The following MLIP variants were observed in gnomAD, a reference collection of about 807,000 sequenced individuals.
MLIP encodes the protein muscular LMNA interacting protein, also known as muscular LMNA-interacting protein.
MLIP carries 79 observed loss-of-function variants against 84.8 expected under a neutral mutation model. That is an observed-to-expected ratio of 0.93 (90% CI 0.78 to 1.12). The LOEUF (loss-of-function observed/expected upper bound fraction) is 1.12. Ranked by LOEUF, MLIP falls within the 50% of genes most tolerant of loss-of-function variation. MLIP has a pLI of 0.00. For missense variants in MLIP, 1,257 were observed against 1,160.6 expected, an observed-to-expected ratio of 1.08 and a Z score of -1.21; for synonymous variants, 504 against 463.0, an observed-to-expected ratio of 1.09 and a Z score of -1.14.
intron 1 of MLIP, among the ~76,000 whole-genome samples, chr6:54,035,007 T>A (rs1481692531): frequency 6.6e-6 from 1 of 152,206 alleles, no homozygotes; most frequent in Non-Finnish European, 1.5e-5. Context: ...CCTATAGTAT[T>A]CAGTACAGTT....
chr6:54,186,801 CG>C (rs1411715495), intron 9 of MLIP, among the ~76,000 whole-genome samples: 1 of 152,036 alleles, frequency 6.6e-6, no homozygotes, highest in Admixed American at 6.6e-5. Context: ...ATTCAAGATA[CG>C]ATTTGGGTGG....
At chr6:54,207,412 C>A (rs930749516) in intron 11 of MLIP, among the ~76,000 whole-genome samples, 4 of 140,472 alleles carry the variant, frequency 2.8e-5, no homozygotes, top group East Asian at 2.2e-4. Context: ...CCTCTGCACC[C>A]CCCCCCCCTT....
Position 54,179,673 on chromosome 6 carries a change from C to T in MLIP, c.2544+10101C>T, listed in dbSNP as rs145601817. ...GACACTAATTGCATAAACAAACATG[C>T]AAAACGAAAACTAATAAAAACCCTA... is the stretch of plus-strand genomic sequence containing the variant. On this transcript the variant is annotated intron_variant, in intron 9 of 13. Coordinates refer to ENST00000502396, the MANE Select transcript of MLIP (RefSeq NM_001281747.2). Among the ~76,000 whole-genome samples, 700 of 152,132 alleles carry T rather than the reference C, an allele frequency of 4.6e-3. 2 individuals carry two copies. The highest frequency in any genetic ancestry group is 0.031 in the Middle Eastern group (9 of 292).
intron 5 of MLIP, among the ~76,000 whole-genome samples, chr6:54,149,401 C>T (rs765255278): frequency 5.6e-4 from 85 of 151,998 alleles, no homozygotes; most frequent in African/African-American, 1.8e-3. Flanking sequence ...GATAGATCTC[C>T]GTTCTTTGGA....
chr6:54,021,228 A>G (rs947084040), intron 1 of MLIP, among the ~76,000 whole-genome samples: 1 of 152,210 alleles, frequency 6.6e-6, no homozygotes, highest in African/African-American at 2.4e-5. Context: ...TCTGAAATTT[A>G]TTCAATTTAT....
At chr6:54,265,928 A>G (rs895612130) in intron 13 of MLIP, 22 bp from the exon 14 acceptor site, 1 of 1,608,588 alleles carries the variant, frequency 6.2e-7, no homozygotes, top group African/African-American at 1.3e-5. Context: ...TAACCTGACT[A>G]CCATATTCTC....
chr6:54,258,260 G>C (rs1038829099), intron 13 of MLIP, among the ~76,000 whole-genome samples: 2 of 151,982 alleles, frequency 1.3e-5, no homozygotes, highest in Non-Finnish European at 2.9e-5. Context: ...AAAATTCCAC[G>C]TATAATTTGA....
chr6:54,143,281 A>C (rs965462235), intron 4 of MLIP, among the ~76,000 whole-genome samples: 12 of 149,568 alleles, frequency 8.0e-5, no homozygotes, highest in Admixed American at 6.0e-4. Context: ...GCAATGGCGC[A>C]ATCTCGGCTC....
intron 1 of MLIP, among the ~76,000 whole-genome samples, chr6:54,019,454 C>T (rs958104419): frequency 8.5e-5 from 13 of 152,064 alleles, no homozygotes; most frequent in Non-Finnish European, 5.9e-5. Flanking sequence ...CTCAGAGATA[C>T]CAGGAATATA....
intron 11 of MLIP, among the ~76,000 whole-genome samples, chr6:54,210,664 G>A (rs1253196870): frequency 7.3e-6 from 1 of 137,768 alleles, no homozygotes; most frequent in African/African-American, 2.6e-5. Flanking sequence ...GTTTCACCCA[G>A]ACTTCAAACT....
intron 5 of MLIP, among the ~76,000 whole-genome samples, chr6:54,155,792 T>A (rs927139823): frequency 3.9e-5 from 6 of 152,176 alleles, no homozygotes; most frequent in African/African-American, 1.4e-4. Context: ...TGCTATGAGA[T>A]TTATTTGGTA....
At chr6:54,264,472 T>C (rs567708714) in intron 13 of MLIP, among the ~76,000 whole-genome samples, 87 of 152,170 alleles carry the variant, frequency 5.7e-4, no homozygotes, top group African/African-American at 2.0e-3. Context: ...TTGGGTGTGA[T>C]ATTGACTCCT....
rs1301582340 is a variant in MLIP, at chr6:54,064,132, T to C, written c.63+45041T>C. Among the ~76,000 whole-genome samples the C allele has an allele frequency of 2.4e-4, 24 of 100,320 alleles. 10 individuals are homozygous for C. 65.8% of individuals were successfully genotyped at this position (100,320 alleles called of 152,430 possible). A position where few individuals can be genotyped will look rare whatever the true frequency, so the allele number is the denominator to read the frequency against. Reference sequence around the variant, plus strand: ...TTAAAATTAAGAGACTGAGAAATGATAGACTCCTTTTAATTTTCATTCATA... The same window carrying C: ...TTAAAATTAAGAGACTGAGAAATGACAGACTCCTTTTAATTTTCATTCATA... On this transcript the variant is annotated intron_variant, in intron 1 of 12. Transcript: ENST00000274897.
intron 1 of MLIP, among the ~76,000 whole-genome samples, chr6:54,059,343 C>G (rs1765835488): frequency 6.6e-6 from 1 of 152,200 alleles, no homozygotes; most frequent in Admixed American, 6.5e-5. Context: ...GTAGATCCCT[C>G]AGAACTCCTT....
chr6:54,040,229 A>C (rs1027436733), intron 1 of MLIP, among the ~76,000 whole-genome samples: 3 of 152,014 alleles, frequency 2.0e-5, no homozygotes, highest in African/African-American at 7.2e-5. Flanking sequence ...GACCAGCATT[A>C]AGGTGGTGGA....
At chr6:54,242,906 G>A (rs1344057389) in intron 12 of MLIP, among the ~76,000 whole-genome samples, 1 of 152,076 alleles carries the variant, frequency 6.6e-6, no homozygotes, top group Non-Finnish European at 1.5e-5. Flanking sequence ...CCAACATAAA[G>A]TCTAGGAACT....
chr6:54,203,115 A>G (rs1778805154), intron 11 of MLIP, among the ~76,000 whole-genome samples: 1 of 152,160 alleles, frequency 6.6e-6, no homozygotes, highest in Non-Finnish European at 1.5e-5. Flanking sequence ...GATTCTCCTT[A>G]TATATGTTGA....
intron 1 of MLIP, among the ~76,000 whole-genome samples, chr6:54,093,469 G>A (rs995822973): frequency 3.3e-5 from 5 of 151,716 alleles, no homozygotes; most frequent in Admixed American, 6.6e-5. Context: ...GGAAAAACAC[G>A]GATCTAGGCT....
At chr6:54,110,900 G>A (rs1360570605), upstream of MLIP, among the ~76,000 whole-genome samples, 1 of 152,200 alleles carries the variant, frequency 6.6e-6, no homozygotes, top group East Asian at 1.9e-4. Flanking sequence ...AGGTGATTTT[G>A]TTAATAACAT....
Sources: allele counts gnomAD v4.1 joint callset (sites outside exome capture counted in the v4.1 genomes callset), GRCh38; gene constraint gnomAD v4.1.1; transcripts MANE v1.5; gene names NCBI Gene and HGNC (gene_info 2026-07-23, HGNC 2026-07-21).